The following FOLR3 variants were observed in gnomAD, a reference collection of about 807,000 sequenced individuals.
FOLR3 encodes the protein folate receptor gamma.
A neutral mutation model predicts 20.0 loss-of-function variants in FOLR3; 9 were observed. The ratio of observed to expected loss-of-function variants is 0.45; its 90% CI spans 0.27 to 0.79. The LOEUF (loss-of-function observed/expected upper bound fraction) is 0.79, where lower values mean the gene tolerates loss of function less well. Ranked by LOEUF, FOLR3 falls within the 30% of genes least tolerant of loss-of-function variation. FOLR3 has a pLI of 0.15. For missense variants in FOLR3, 309 were observed against 323.5 expected, an observed-to-expected ratio of 0.96 and a Z score of 0.34; for synonymous variants, 124 against 115.5, an observed-to-expected ratio of 1.07 and a Z score of -0.47.
At chr11:72,138,165 G>A (rs1358341735) in intron 2 of FOLR3, among the ~76,000 whole-genome samples, 1 of 152,146 alleles carries the variant, frequency 6.6e-6, no homozygotes, top group Non-Finnish European at 1.5e-5. Flanking sequence ...TCAGGAGTTC[G>A]AGACCAGCCT....
chr11:72,137,914 C>G (rs1947760996), intron 2 of FOLR3, among the ~76,000 whole-genome samples: 1 of 152,102 alleles, frequency 6.6e-6, no homozygotes, highest in Non-Finnish European at 1.5e-5. Context: ...CTTCTACACA[C>G]AGCCCACCCA....
In FOLR3 at chr11:72,139,749, G is replaced by A; in HGVS notation, c.656G>A (p.Gly219Asp). The change falls in exon 5 of 5, where the codon GGC becomes GAC. Residue 219 changes from glycine (G) to aspartate (D), a missense_variant. By Grantham distance (94) the Gly-to-Asp change is moderately conservative. Transcript: ENST00000611028. The stretch of plus-strand genomic sequence containing the variant: ...CAGATGTGGTTTGACTCAGCCCAGG[G>A]CAACCCCAATGAGGAGGTGGCCAAG... ...CIQMWFDSAQ[G>D]NPNEEVAKFY... 6.2e-7 allele frequency: 1 copy of A among 1,614,112 alleles called. No homozygotes were observed. The highest frequency in any genetic ancestry group is 8.5e-7 in the Non-Finnish European group (1 of 1,180,014).
In FOLR3 at chr11:72,139,675, C is replaced by A; in HGVS notation, c.582C>A (p.Ser194Arg). The A allele has an allele frequency of 6.2e-7, 1 of 1,613,638 alleles. No homozygotes were observed. Among genetic ancestry groups the A allele is most frequent in the Non-Finnish European group, 8.5e-7 (1 of 1,179,922 alleles). ...TPAALCEGLWSHSFKVSNYSR... is the reference protein window; with the variant it reads ...TPAALCEGLWRHSFKVSNYSR... ...CCGCCCTTTGTGAAGGCCTCTGGAG[C>A]CACTCCTTCAAGGTCAGCAACTATA... The change falls in exon 5 of 5, where the codon AGC becomes AGA. Residue 194 changes from serine (S) to arginine (R), a missense_variant. Transcript: ENST00000611028.
In FOLR3 at chr11:72,135,761, G is replaced by T. The variant is rs1433792979; in HGVS notation, c.-14G>T. The T allele has an allele frequency of 9.4e-6, 6 of 636,200 alleles. No individual in the cohort carries two copies. Among genetic ancestry groups the T allele is most frequent in the Non-Finnish European group, 1.1e-5 (4 of 363,344 alleles). The allele number at this position is 636,200 out of a possible 1,614,324, so 39.4% of individuals were successfully genotyped here. On this transcript the variant is annotated 5_prime_UTR_variant, in exon 1 of 5. Coordinates refer to ENST00000611028, the MANE Select transcript of FOLR3 (RefSeq NM_000804.4). ...CTACAGCGCTGTTGGTGGAGGTCCT[G>T]CCTCCAGGTAGGGGAAGGGCTCCCT...
At chr11:72,138,914 G>C in intron 2 of FOLR3, 47 bp from the exon 3 acceptor site, 3 of 1,599,802 alleles carry the variant, frequency 1.9e-6, no homozygotes, top group South Asian at 1.1e-5. Context: ...ATATGGAGGA[G>C]ATGGCTGTGG....
At chr11:72,138,161 G>T (rs552376465) in intron 2 of FOLR3, among the ~76,000 whole-genome samples, 140 of 152,300 alleles carry the variant, frequency 9.2e-4, no homozygotes, top group African/African-American at 3.2e-3. Context: ...GAGGTCAGGA[G>T]TTCGAGACCA....
chr11:72,139,426 G>A lies in FOLR3; in HGVS notation c.437G>A (p.Cys146Tyr), dbSNP rs1338166307. The A allele has an allele frequency of 3.1e-6, 5 of 1,612,586 alleles. No individual in the cohort carries two copies. The highest frequency in any genetic ancestry group is 4.2e-6 in the Non-Finnish European group (5 of 1,179,224). ...GACTGTGAGCGCTGGTGGGAGGACTGTCGCACCTCCTACACCTGCAAAAGC... is the reference window on the plus strand; with the variant it reads ...GACTGTGAGCGCTGGTGGGAGGACTATCGCACCTCCTACACCTGCAAAAGC... ...KEDCERWWED[C>Y]RTSYTCKSNW... The change falls in exon 4 of 5, where the codon TGT becomes TAT. Residue 146 changes from cysteine (C) to tyrosine (Y), a missense_variant. Physicochemically the swap from Cys to Tyr is radical, Grantham distance 194 (BLOSUM62 -2). Transcript: ENST00000611028.
intron 3 of FOLR3, 98 bp from the exon 4 acceptor site, chr11:72,139,249 G>T: frequency 6.4e-7 from 1 of 1,552,120 alleles, no homozygotes; most frequent in Non-Finnish European, 8.7e-7. Flanking sequence ...TCTGAGGGTG[G>T]TGGACGCCCT....
chr11:72,136,219 C>T, intron 2 of FOLR3, 99 bp downstream of exon 2: 1 of 1,453,472 alleles, frequency 6.9e-7, no homozygotes. Context: ...GGTGCCGCTG[C>T]TGACAAGGAA....
intron 2 of FOLR3, among the ~76,000 whole-genome samples, chr11:72,137,351 G>A (rs745629583): frequency 4.6e-5 from 7 of 151,766 alleles, no homozygotes; most frequent in Admixed American, 2.0e-4. Flanking sequence ...TAGCTCCTTC[G>A]TTCTCCACCA....
chr11:72,138,665 G>A lies in FOLR3; in HGVS notation c.169-296G>A, dbSNP rs909430755. ...GCATGTGCCTGAATTCCAGCTCCTC[G>A]GGAGGCTGAGGTGGGAGGATTATTT... is the stretch of plus-strand genomic sequence containing the variant. On this transcript the variant is annotated intron_variant, in intron 2 of 4. Transcript: ENST00000611028. 3.9e-5 allele frequency among the ~76,000 whole-genome samples: 6 copies of A among 152,136 alleles called. No individual in the cohort carries two copies. The East Asian group carries it at 7.7e-4, about 20-fold the overall frequency.
Position 72,136,074 on chromosome 11 carries a change from A to C in FOLR3, c.122A>C (p.Lys41Thr). 1 of 1,614,130 alleles carries C rather than the reference A, an allele frequency of 6.2e-7. No homozygotes were observed. ...TDLLNVCMNA[K>T]HHKTQPSPED... ...CTGCTCAATGTCTGCATGAACGCCAAGCACCACAAGACACAGCCCAGCCCC... is the reference window on the plus strand; with the variant it reads ...CTGCTCAATGTCTGCATGAACGCCACGCACCACAAGACACAGCCCAGCCCC... The change falls in exon 2 of 5, where the codon AAG becomes ACG. Residue 41 changes from lysine (K) to threonine (T), a missense_variant. Lys to Thr is a moderately conservative substitution (Grantham distance 78). Coordinates refer to ENST00000611028, the MANE Select transcript of FOLR3 (RefSeq NM_000804.4).
chr11:72,139,252 GAC>G, intron 3 of FOLR3, 93 bp from the exon 4 acceptor site: 1 of 1,550,822 alleles, frequency 6.4e-7, no homozygotes. Context: ...GAGGGTGGTG[GAC>G]GCCCTGCCCC....
Position 72,139,115 on chromosome 11 carries a change from A to G in FOLR3, c.323A>G (p.Glu108Gly). 6.3e-7 allele frequency: 1 copy of G among 1,577,256 alleles called. No individual in the cohort carries two copies. Among genetic ancestry groups the G allele is most frequent in the Admixed American group, 1.8e-5 (1 of 56,820 alleles). ...TTTATCCAGGACAGCTGTCTCTATG[A>G]GTGCTCACCCAACCTGGGGCCCTGG... Reference protein sequence around the residue: ...RHFIQDSCLYECSPNLGPWIR... With the variant: ...RHFIQDSCLYGCSPNLGPWIR... The change falls in exon 3 of 5, where the codon GAG becomes GGG. Residue 108 changes from glutamate (E) to glycine (G), a missense_variant. Glu to Gly is a moderately conservative substitution (Grantham distance 98). Coordinates refer to ENST00000611028, the MANE Select transcript of FOLR3 (RefSeq NM_000804.4).
At chr11:72,136,246 G>T (rs1233069878) in intron 2 of FOLR3, 126 bp downstream of exon 2, 15 of 1,148,176 alleles carry the variant, frequency 1.3e-5, no homozygotes, top group Non-Finnish European at 1.8e-5. Flanking sequence ...GGGCGGCCAG[G>T]GCCACCATGC....
intron 3 of FOLR3, 59 bp downstream of exon 3, chr11:72,139,208 T>C (rs1291611082): frequency 4.5e-6 from 7 of 1,572,146 alleles, no homozygotes; most frequent in Non-Finnish European, 6.0e-6. Flanking sequence ...TGCCAGTTGC[T>C]GGCAGGGAGG....
chr11:72,135,873 G>A (rs978312156), intron 1 of FOLR3, 74 bp from the exon 2 acceptor site: 4 of 1,469,024 alleles, frequency 2.7e-6, no homozygotes, highest in African/African-American at 1.4e-5. Context: ...GCCTGGGAGG[G>A]AGAGAGTACA....
chr11:72,137,126 C>A (rs2135361816), intron 2 of FOLR3, among the ~76,000 whole-genome samples: 1 of 152,306 alleles, frequency 6.6e-6, no homozygotes, highest in East Asian at 1.9e-4. Context: ...GCCTGTCACG[C>A]CTCTGCCATC....
In FOLR3 at chr11:72,139,121, C is replaced by T; in HGVS notation, c.329C>T (p.Ser110Leu). ...FIQDSCLYEC[S>L]PNLGPWIRQV... The stretch of plus-strand genomic sequence containing the variant: ...CAGGACAGCTGTCTCTATGAGTGCT[C>T]ACCCAACCTGGGGCCCTGGATCCGG... The change falls in exon 3 of 5, where the codon TCA becomes TTA. Residue 110 changes from serine to leucine, a missense_variant. Transcript: ENST00000611028. The T allele has an allele frequency of 1.2e-6, 2 of 1,613,796 alleles. No individual in the cohort carries two copies. The highest frequency in any genetic ancestry group is 1.7e-6 in the Non-Finnish European group (2 of 1,179,734).
Sources: allele counts gnomAD v4.1 joint callset (sites outside exome capture counted in the v4.1 genomes callset), GRCh38; gene constraint gnomAD v4.1.1; transcripts MANE v1.5; gene names NCBI Gene and HGNC (gene_info 2026-07-23, HGNC 2026-07-21).